PLEK: variants seen among roughly 807,000 people sequenced by gnomAD.
PLEK encodes pleckstrin.
PLEK carries 25 observed loss-of-function variants against 43.9 expected under a neutral mutation model. The observed-to-expected ratio is 0.57, with a 90% CI of 0.41 to 0.79. PLEK has a LOEUF of 0.79. Among genes scored for constraint, PLEK ranks in the 30% least tolerant of loss-of-function variants. The pLI is 0.00. For missense variants in PLEK, 396 were observed against 413.3 expected, an observed-to-expected ratio of 0.96 and a Z score of 0.36; for synonymous variants, 152 against 144.4, an observed-to-expected ratio of 1.05 and a Z score of -0.38.
At position 68,368,450 on chromosome 2, in the gene PLEK, G is replaced by A. The variant is rs150852592; in HGVS notation, c.42+3057G>A. Among the ~76,000 whole-genome samples, 376 of 152,246 alleles carry A rather than the reference G, an allele frequency of 2.5e-3. 1 individual carries two copies. The highest frequency in any genetic ancestry group is 8.2e-3 in the African/African-American group (342 of 41,546). ...GAGGATGACCTGGGATTCAAATCCC[G>A]GCCTGCCTAACAGCAAAGCCTACCA... is the stretch of plus-strand genomic sequence containing the variant. On this transcript the variant is annotated intron_variant, in intron 1 of 8. Coordinates refer to ENST00000234313, the MANE Select transcript of PLEK (RefSeq NM_002664.3).
intron 1 of PLEK, among the ~76,000 whole-genome samples, chr2:68,372,262 C>A (rs1418852690): frequency 6.6e-6 from 1 of 151,934 alleles, no homozygotes; most frequent in Non-Finnish European, 1.5e-5. Flanking sequence ...CAATCTCCAC[C>A]TCTTGGGTTC....
chr2:68,391,470 T>C (rs1286529395), intron 6 of PLEK, among the ~76,000 whole-genome samples: 1 of 152,234 alleles, frequency 6.6e-6, no homozygotes, highest in Non-Finnish European at 1.5e-5. Context: ...AAGTCTATGC[T>C]TTGCAAAAGC....
rs1673741871 is a variant in PLEK at position 68,386,407 on chromosome 2, G to A, written c.473-95G>A. On this transcript the variant is annotated intron_variant, in intron 4 of 8. Coordinates refer to ENST00000234313, the MANE Select transcript of PLEK (RefSeq NM_002664.3). ...ATAACAGGGGAGACGAGACAAGTCA[G>A]ACCTGTGGGTGAGCTGGAGTCAGTT... 8 of 887,038 alleles carry A rather than the reference G, an allele frequency of 9.0e-6. No homozygotes were observed. The South Asian group carries it at 1.3e-4, about 15-fold the overall frequency. 54.9% of individuals were successfully genotyped at this position (887,038 alleles called of 1,614,324 possible).
chr2:68,369,011 C>T (rs1673340140), intron 1 of PLEK, among the ~76,000 whole-genome samples: 1 of 152,164 alleles, frequency 6.6e-6, no homozygotes, highest in African/African-American at 2.4e-5. Flanking sequence ...GAGTCAGGGT[C>T]CTGGCCCAGG....
intron 1 of PLEK, among the ~76,000 whole-genome samples, chr2:68,375,129 G>C (rs1214239616): frequency 6.6e-6 from 1 of 152,108 alleles, no homozygotes; most frequent in Non-Finnish European, 1.5e-5. Flanking sequence ...TTCTGCACTG[G>C]ATGTGATATT....
In PLEK at chr2:68,380,868, G is replaced by C. The variant is rs144090805; in HGVS notation, c.344G>C (p.Arg115Thr). 5.0e-6 allele frequency: 8 copies of C among 1,613,948 alleles called. No homozygotes were observed. The Admixed American group carries it at 1.2e-4, about 24-fold the overall frequency. ...GGQKFARKST[R>T]RSIRLPETID... is the part of the protein sequence containing the mutation. ...CAGAAATTTGCCAGGAAATCTACCA[G>C]GAGGTCCATTCGACTGCCAGAAACC... The change falls in exon 3 of 9, where the codon AGG (arginine) becomes ACG (threonine). Residue 115 changes from arginine (R) to threonine (T), a missense_variant. Physicochemically the swap from Arg to Thr is moderately conservative, Grantham distance 71. Transcript: ENST00000234313.
chr2:68,380,943 T>C, intron 3 of PLEK, 39 bp downstream of exon 3: 1 of 1,558,074 alleles, frequency 6.4e-7, no homozygotes, highest in Non-Finnish European at 8.8e-7. Context: ...CCATTCCTTC[T>C]GAAAGACACA....
intron 2 of PLEK, 77 bp downstream of exon 2, chr2:68,380,560 GGTGGT>G: frequency 6.7e-7 from 1 of 1,489,808 alleles, no homozygotes. Flanking sequence ...CTACAATGTG[GGTGGT>G]GCTCCTTGGG....
chr2:68,376,170 A>T (rs931748679), intron 1 of PLEK, among the ~76,000 whole-genome samples: 2 of 152,080 alleles, frequency 1.3e-5, no homozygotes, highest in East Asian at 3.9e-4. Context: ...ACACTTTTCC[A>T]CTGAGTCCAG....
chr2:68,368,012 A>T (rs966133680), intron 1 of PLEK, among the ~76,000 whole-genome samples: 1 of 152,226 alleles, frequency 6.6e-6, no homozygotes, highest in African/African-American at 2.4e-5. Flanking sequence ...ATGCTGGTGC[A>T]GGAATTTTGT....
chr2:68,378,846 C>A (rs1673555631), intron 1 of PLEK, among the ~76,000 whole-genome samples: 1 of 152,106 alleles, frequency 6.6e-6, no homozygotes, highest in South Asian at 2.1e-4. Flanking sequence ...AGTCATAGAA[C>A]CAGCTGGGCG....
At chr2:68,372,086 G>A (rs2103759966) in intron 1 of PLEK, among the ~76,000 whole-genome samples, 1 of 152,148 alleles carries the variant, frequency 6.6e-6, no homozygotes, top group South Asian at 2.1e-4. Flanking sequence ...AAGAATTAAG[G>A]ATATTAATTT....
chr2:68,365,462 C>T (rs1673247863), intron 1 of PLEK, 69 bp downstream of exon 1: 9 of 1,148,490 alleles, frequency 7.8e-6, no homozygotes, highest in African/African-American at 6.1e-5. Flanking sequence ...TCAGCTCCAC[C>T]GGCTACCTGC....
chr2:68,391,872 G>A (rs1313788649), intron 6 of PLEK, among the ~76,000 whole-genome samples: 3 of 152,166 alleles, frequency 2.0e-5, no homozygotes, highest in Admixed American at 1.3e-4. Context: ...TGAATTTCCT[G>A]TGGGAAATCA....
rs775552938 is a variant in PLEK, at chr2:68,382,603, G to A, written c.442G>A (p.Asp148Asn). 5.0e-6 allele frequency: 8 copies of A among 1,604,660 alleles called. No individual in the cohort carries two copies. The highest frequency in any genetic ancestry group is 1.1e-5 in the South Asian group (1 of 90,856). ...AATAAAAGAACTGAATCTAGAGAAGGACAAGAAGATTTTTAATCACTGCTT... is the reference window on the plus strand; with the variant it reads ...AATAAAAGAACTGAATCTAGAGAAGAACAAGAAGATTTTTAATCACTGCTT... ...KGIKELNLEK[D>N]KKIFNHCFTG... The change falls in exon 4 of 9, where the codon GAC (aspartate) becomes AAC (asparagine). Residue 148 changes from aspartate (D) to asparagine (N), a missense_variant. Coordinates refer to ENST00000234313, the MANE Select transcript of PLEK (RefSeq NM_002664.3).
chr2:68,370,225 T>G (rs916788859), intron 1 of PLEK, among the ~76,000 whole-genome samples: 2 of 152,210 alleles, frequency 1.3e-5, no homozygotes, highest in African/African-American at 4.8e-5. Flanking sequence ...AAAGAGAAAT[T>G]TGAGGGAAAG....
At chr2:68,387,503 A>C (rs1445438919) in intron 5 of PLEK, among the ~76,000 whole-genome samples, 1 of 152,220 alleles carries the variant, frequency 6.6e-6, no homozygotes, top group East Asian at 1.9e-4. Flanking sequence ...TCTTAATACA[A>C]AATGTGTCCA....
chr2:68,370,486 T>C (rs533108329), intron 1 of PLEK, among the ~76,000 whole-genome samples: 23 of 152,324 alleles, frequency 1.5e-4, no homozygotes, highest in African/African-American at 5.5e-4. Flanking sequence ...ATTTTTATTT[T>C]ATTTATTTAT....
chr2:68,392,499 T>C (rs1397565808), intron 6 of PLEK, among the ~76,000 whole-genome samples: 3 of 152,200 alleles, frequency 2.0e-5, no homozygotes, highest in Non-Finnish European at 4.4e-5. Flanking sequence ...TTCCACTAAA[T>C]CTCTGTCCAC....
Sources: gnomAD v4.1 joint callset for allele counts (sites outside exome capture counted in the v4.1 genomes callset) on GRCh38, gnomAD v4.1.1 for gene constraint, MANE v1.5 for transcripts, NCBI Gene and HGNC (gene_info 2026-07-23, HGNC 2026-07-21) for gene names.